GRID2: variants seen among roughly 807,000 people sequenced by gnomAD.
GRID2 encodes glutamate receptor ionotropic, delta-2.
GRID2 carries 33 observed loss-of-function variants against 114.8 expected under a neutral mutation model. The observed-to-expected ratio is 0.29, with a 90% confidence interval of 0.22 to 0.38. The LOEUF is 0.38. Among genes scored for constraint, GRID2 ranks in the 10% least tolerant of loss-of-function variants. GRID2 has a pLI of 1.00. For synonymous variants in GRID2, 505 were observed against 449.9 expected (o/e 1.12, Z -1.55); for missense variants, 1,184 against 1,257.7 (o/e 0.94, Z 0.89).
At chr4:92,510,548 A>C (rs1201166599) in intron 1 of GRID2, among the ~76,000 whole-genome samples, 1 of 151,812 alleles carries the variant, frequency 6.6e-6, no homozygotes, top group Non-Finnish European at 1.5e-5. Context: ...GGGAAGTTCA[A>C]AGTTAAGAAA....
intron 2 of GRID2, among the ~76,000 whole-genome samples, chr4:93,001,581 A>AT (rs1338718043): frequency 2.6e-5 from 4 of 151,774 alleles, no homozygotes; most frequent in Admixed American, 2.6e-4. Context: ...ATTTTCCTGT[A>AT]TTTAGCTGGT....
chr4:93,760,712 C>T (rs17021093), intron 14 of GRID2, among the ~76,000 whole-genome samples: 1 of 152,218 alleles, frequency 6.6e-6, no homozygotes. Flanking sequence ...TACAGTACTT[C>T]TGGTCACACA....
At chr4:92,412,117 C>CTG (rs60674952) in intron 1 of GRID2, among the ~76,000 whole-genome samples, 4,679 of 143,488 alleles carry the variant, frequency 0.033, 186 homozygotes, top group African/African-American at 0.1. Flanking sequence ...TTTTTTGTGC[C>CTG]TGTGTGTGTG....
At chr4:92,471,430 A>G (rs1284995262) in intron 1 of GRID2, among the ~76,000 whole-genome samples, 1 of 152,084 alleles carries the variant, frequency 6.6e-6, no homozygotes, top group Admixed American at 6.6e-5. Context: ...AGTCATTACA[A>G]TAGCAAAACT....
chr4:92,713,008 T>TA (rs1439830346), intron 2 of GRID2, among the ~76,000 whole-genome samples: 2 of 151,742 alleles, frequency 1.3e-5, no homozygotes, highest in East Asian at 1.9e-4. Context: ...TTTTTTTTTT[T>TA]ATTATACTTT....
intron 2 of GRID2, among the ~76,000 whole-genome samples, chr4:92,736,496 A>G (rs1428745041): frequency 1.3e-5 from 2 of 152,160 alleles, no homozygotes; most frequent in Admixed American, 6.6e-5. Flanking sequence ...AAGAGCAGCA[A>G]TTCCCAAAAG....
chr4:93,069,629 C>T (rs1388676996), intron 2 of GRID2, among the ~76,000 whole-genome samples: 2 of 151,960 alleles, frequency 1.3e-5, no homozygotes, highest in Admixed American at 1.3e-4. Context: ...AATGTGCCAA[C>T]TGGAGGAAGG....
chr4:92,515,445 G>A (rs1231743911), intron 1 of GRID2, among the ~76,000 whole-genome samples: 1 of 151,772 alleles, frequency 6.6e-6, no homozygotes, highest in South Asian at 2.1e-4. Context: ...TTTTTCCTCT[G>A]GGATCTATTT....
At chr4:92,613,843 G>A (rs1354848684) in intron 2 of GRID2, among the ~76,000 whole-genome samples, 1 of 151,102 alleles carries the variant, frequency 6.6e-6, no homozygotes, top group African/African-American at 2.4e-5. Context: ...TTATTTCACT[G>A]ATTTTGCTCT....
intron 2 of GRID2, among the ~76,000 whole-genome samples, chr4:92,811,091 A>G (rs981848348): frequency 6.6e-6 from 1 of 152,130 alleles, no homozygotes; most frequent in Non-Finnish European, 1.5e-5. Flanking sequence ...CCTAGAATCA[A>G]GATTTTTAGT....
chr4:93,293,650 G>A (rs1199664606), intron 8 of GRID2, among the ~76,000 whole-genome samples: 2 of 151,652 alleles, frequency 1.3e-5, no homozygotes, highest in African/African-American at 2.4e-5. Context: ...AATAATTTGC[G>A]GGAAATCAAC....
At chr4:92,963,846 C>T (rs1752970342) in intron 2 of GRID2, among the ~76,000 whole-genome samples, 1 of 151,952 alleles carries the variant, frequency 6.6e-6, no homozygotes, top group Admixed American at 6.6e-5. Context: ...GATAATATGA[C>T]TTGAGAGTTG....
At chr4:93,143,581 AGATT>A (rs1428385902) in intron 4 of GRID2, among the ~76,000 whole-genome samples, 4 of 152,194 alleles carry the variant, frequency 2.6e-5, no homozygotes, top group Non-Finnish European at 5.9e-5. Context: ...ATTTGGTATA[AGATT>A]GATTATTACA....
chr4:93,003,942 CA>C (rs1317134953), intron 2 of GRID2, among the ~76,000 whole-genome samples: 1 of 151,778 alleles, frequency 6.6e-6, no homozygotes, highest in Non-Finnish European at 1.5e-5. Context: ...AAATAAAAGC[CA>C]AACCAAAATG....
chr4:92,703,914 C>T (rs1734805925), intron 2 of GRID2, among the ~76,000 whole-genome samples: 1 of 152,096 alleles, frequency 6.6e-6, no homozygotes, highest in Admixed American at 6.6e-5. Context: ...TGACCATTCA[C>T]CATTCAATGC....
chr4:93,594,646 C>A (rs891580173), intron 13 of GRID2, among the ~76,000 whole-genome samples: 71 of 152,206 alleles, frequency 4.7e-4, no homozygotes, highest in Non-Finnish European at 8.1e-4. Flanking sequence ...GGCGCCCCTC[C>A]CCCAGCCTCG....
chr4:93,263,136 T>A (rs1453620915), intron 8 of GRID2, among the ~76,000 whole-genome samples: 1 of 152,028 alleles, frequency 6.6e-6, no homozygotes, highest in Non-Finnish European at 1.5e-5. Context: ...TTTAAAAGCC[T>A]AGTATTTTTA....
Position 93,528,504 on chromosome 4 carries a change from A to T in GRID2, c.2193+13093A>T, listed in dbSNP as rs186485091. Among the ~76,000 whole-genome samples the T allele has an allele frequency of 5.4e-3, 826 of 151,980 alleles. 7 individuals are homozygous for T. Among genetic ancestry groups the T allele is most frequent in the African/African-American group, 0.019 (784 of 41,434 alleles). On this transcript the variant is annotated intron_variant, in intron 13 of 15. Coordinates refer to ENST00000282020, the MANE Select transcript of GRID2 (RefSeq NM_001510.4). ...TGGGTATGGGATAGAAATCATGTAA[A>T]TCTAAATTCTATTTTAGTATGCATT...
At chr4:93,260,826 G>T (rs937901550) in intron 8 of GRID2, among the ~76,000 whole-genome samples, 3 of 151,808 alleles carry the variant, frequency 2.0e-5, no homozygotes, top group Non-Finnish European at 1.5e-5. Context: ...CTATAAAGTT[G>T]TGATAAAAGA....
Sources: allele counts gnomAD v4.1 joint callset (sites outside exome capture counted in the v4.1 genomes callset), GRCh38; gene constraint gnomAD v4.1.1; transcripts MANE v1.5; gene names NCBI Gene and HGNC (gene_info 2026-07-23, HGNC 2026-07-21).